RABGAP1L: variants seen among roughly 807,000 people sequenced by gnomAD.
RABGAP1L encodes RAB GTPase activating protein 1 like.
A neutral mutation model predicts 137.7 loss-of-function variants in RABGAP1L; 63 were observed. The observed-to-expected ratio is 0.46, with a 90% CI of 0.37 to 0.56. The LOEUF (loss-of-function observed/expected upper bound fraction) is 0.56. RABGAP1L is among the 20% of genes least tolerant of loss of function. The pLI is 0.00. For missense variants in RABGAP1L, 1,095 were observed against 1,244.0 expected, an observed-to-expected ratio of 0.88 and a Z score of 1.80; for synonymous variants, 431 against 433.7, an observed-to-expected ratio of 0.99 and a Z score of 0.08.
Position 174,753,393 on chromosome 1 carries a change from T to TA in RABGAP1L, c.2211+1041dup, listed in dbSNP as rs762807845. Among the ~76,000 whole-genome samples, 250 of 152,272 alleles carry TA rather than the reference T, an allele frequency of 1.6e-3. 1 individual carries two copies. Among genetic ancestry groups the TA allele is most frequent in the Non-Finnish European group, 2.6e-3 (178 of 67,998 alleles). On this transcript the variant is annotated intron_variant, in intron 18 of 25. Transcript: ENST00000681986. ...GAGAGCCTTAACCATACCTAACCATTAACATAACCTTGATTCTAAACAAAG... is the reference window on the plus strand; with the variant it reads ...GAGAGCCTTAACCATACCTAACCATTAAACATAACCTTGATTCTAAACAAAG...
chr1:174,194,357 C>G (rs1365482365), intron 1 of RABGAP1L, among the ~76,000 whole-genome samples: 2 of 151,928 alleles, frequency 1.3e-5, no homozygotes, highest in East Asian at 3.9e-4. Context: ...GCCCCAGCCT[C>G]CTAAGTAGCT....
At chr1:174,308,002 G>C (rs1046473396) in intron 11 of RABGAP1L, among the ~76,000 whole-genome samples, 2 of 151,842 alleles carry the variant, frequency 1.3e-5, no homozygotes, top group Non-Finnish European at 2.9e-5. Flanking sequence ...GGTAATAGCC[G>C]TTTTAATGGG....
rs869189341 is a variant in RABGAP1L at position 174,534,802 on chromosome 1, A to AT, written c.1711-102573_1711-102572insT. ...AAAAAAAAAAAAAAAAAAAAAAAAA[A>AT]AATAATTAGAATAGTATGCCAGTAT... On this transcript the variant is annotated intron_variant, in intron 13 of 25. Coordinates refer to ENST00000681986, the MANE Select transcript of RABGAP1L (RefSeq NM_001366446.1). Among the ~76,000 whole-genome samples the AT allele has an allele frequency of 4.1e-3, 568 of 137,286 alleles. 15 individuals carry two copies. Among genetic ancestry groups the AT allele is most frequent in the African/African-American group, 0.015 (544 of 35,880 alleles). The allele number at this position is 137,286 out of a possible 152,430, so 90.1% of individuals were successfully genotyped here. A position where few individuals can be genotyped will look rare whatever the true frequency, so the allele number is the denominator to read the frequency against.
chr1:174,407,572 T>G (rs1306424605), intron 13 of RABGAP1L, among the ~76,000 whole-genome samples: 1 of 152,210 alleles, frequency 6.6e-6, no homozygotes, highest in Non-Finnish European at 1.5e-5. Context: ...ATTTTGCATG[T>G]GCTGATGTAG....
intron 19 of RABGAP1L, among the ~76,000 whole-genome samples, chr1:174,827,419 C>T (rs1018431465): frequency 4.7e-5 from 7 of 149,520 alleles, no homozygotes; most frequent in South Asian, 2.2e-4. Context: ...AATACAGATA[C>T]TGGAGGTACT....
At chr1:174,677,368 C>G (rs1677718377) in intron 14 of RABGAP1L, among the ~76,000 whole-genome samples, 1 of 152,112 alleles carries the variant, frequency 6.6e-6, no homozygotes, top group Non-Finnish European at 1.5e-5. Flanking sequence ...GATAACAACT[C>G]AAGGATTAAT....
At chr1:174,184,425 G>A (rs1216395916) in intron 1 of RABGAP1L, among the ~76,000 whole-genome samples, 1 of 152,084 alleles carries the variant, frequency 6.6e-6, no homozygotes, top group Non-Finnish European at 1.5e-5. Context: ...TGCAATTGTG[G>A]GGTCATATGG....
chr1:174,530,818 C>T (rs961273373), intron 13 of RABGAP1L, among the ~76,000 whole-genome samples: 3 of 127,962 alleles, frequency 2.3e-5, no homozygotes, highest in Non-Finnish European at 3.2e-5. Flanking sequence ...TACATACATA[C>T]ATACATACAT....
chr1:174,911,172 A>G (rs1313640302), intron 19 of RABGAP1L, among the ~76,000 whole-genome samples: 3 of 152,010 alleles, frequency 2.0e-5, no homozygotes, highest in Non-Finnish European at 2.9e-5. Flanking sequence ...ACTTTTTTAT[A>G]TATTATGGAC....
At chr1:174,492,693 C>A (rs1403507712) in intron 13 of RABGAP1L, among the ~76,000 whole-genome samples, 1 of 152,062 alleles carries the variant, frequency 6.6e-6, no homozygotes, top group Non-Finnish European at 1.5e-5. Context: ...TCTCCACCCA[C>A]CCTGCCTCAA....
intron 14 of RABGAP1L, among the ~76,000 whole-genome samples, chr1:174,649,308 C>G (rs1572677279): frequency 6.6e-6 from 1 of 152,006 alleles, no homozygotes; most frequent in Non-Finnish European, 1.5e-5. Flanking sequence ...ATGGTCTTTA[C>G]AATTTGGTAT....
intron 17 of RABGAP1L, among the ~76,000 whole-genome samples, chr1:174,744,641 A>C (rs1683727221): frequency 6.6e-6 from 1 of 152,234 alleles, no homozygotes; most frequent in Non-Finnish European, 1.5e-5. Context: ...ATTTAATCAT[A>C]AGGAACCAGT....
At chr1:174,862,198 A>G (rs947650842) in intron 19 of RABGAP1L, among the ~76,000 whole-genome samples, 4 of 152,162 alleles carry the variant, frequency 2.6e-5, no homozygotes, top group Admixed American at 6.5e-5. Flanking sequence ...TGGAGGGACT[A>G]TCCTTTCCCC....
chr1:174,838,956 G>GAAAAAA (rs1693075707), intron 19 of RABGAP1L, among the ~76,000 whole-genome samples: 1 of 58,256 alleles, frequency 1.7e-5, no homozygotes, highest in Non-Finnish European at 4.0e-5. Context: ...AAAAAAAAAT[G>GAAAAAA]ACATGAGTCA....
intron 13 of RABGAP1L, among the ~76,000 whole-genome samples, chr1:174,440,927 T>C (rs1420674007): frequency 1.3e-5 from 2 of 152,156 alleles, no homozygotes; most frequent in Admixed American, 1.3e-4. Context: ...GCCTACTGTT[T>C]ATCCTATTTG....
intron 9 of RABGAP1L, among the ~76,000 whole-genome samples, chr1:174,276,503 T>C (rs575945718): frequency 1.6e-4 from 25 of 152,260 alleles, no homozygotes; most frequent in Non-Finnish European, 3.1e-4. Context: ...CATATACCAC[T>C]ATAGAGTTAT....
chr1:174,770,648 A>G (rs1204333935), intron 18 of RABGAP1L, among the ~76,000 whole-genome samples: 1 of 152,230 alleles, frequency 6.6e-6, no homozygotes, highest in Non-Finnish European at 1.5e-5. Context: ...TTTGTGAGCA[A>G]AATAAGTACT....
At chr1:174,557,140 A>G (rs1439893459) in intron 13 of RABGAP1L, among the ~76,000 whole-genome samples, 1 of 152,198 alleles carries the variant, frequency 6.6e-6, no homozygotes, top group Admixed American at 6.5e-5. Context: ...TTGTTTGATA[A>G]TGCTGTGAAT....
At chr1:174,879,930 A>G (rs932566278) in intron 19 of RABGAP1L, among the ~76,000 whole-genome samples, 1 of 152,060 alleles carries the variant, frequency 6.6e-6, no homozygotes, top group Non-Finnish European at 1.5e-5. Context: ...TGTCTCTACT[A>G]AAAATAACAA....
Sources: gnomAD v4.1 joint callset for allele counts (sites outside exome capture counted in the v4.1 genomes callset) on GRCh38, gnomAD v4.1.1 for gene constraint, MANE v1.5 for transcripts, NCBI Gene and HGNC (gene_info 2026-07-23, HGNC 2026-07-21) for gene names.